OR9Q1: variants seen among roughly 807,000 people sequenced by gnomAD.
The protein encoded by OR9Q1 is olfactory receptor family 9 subfamily Q member 1, also known as olfactory receptor 9Q1.
For missense variants in OR9Q1, 374 were observed against 378.8 expected (o/e 0.99, Z 0.11); for synonymous variants, 153 against 148.6 (o/e 1.03, Z -0.22).
intron 2 of OR9Q1, among the ~76,000 whole-genome samples, chr11:58,175,240 A>G (rs945074613): frequency 3.3e-5 from 5 of 152,160 alleles, no homozygotes; most frequent in African/African-American, 1.2e-4. Flanking sequence ...AATACAAACA[A>G]AAGATTTTCT....
At chr11:58,029,734 A>G (rs948990097) in intron 1 of OR9Q1, among the ~76,000 whole-genome samples, 1 of 151,986 alleles carries the variant, frequency 6.6e-6, no homozygotes, top group African/African-American at 2.4e-5. Context: ...TGTTGATTCT[A>G]TCTCTTAATA....
Position 58,048,696 on chromosome 11 carries a change from T to TATATATATA in OR9Q1, c.-92-7174_-92-7173insATATATATA, listed in dbSNP as rs35079058. Among the ~76,000 whole-genome samples the TATATATATA allele has an allele frequency of 2.6e-3, 327 of 127,458 alleles. 1 individual carries two copies. The highest frequency in any genetic ancestry group is 8.3e-3 in the Middle Eastern group (2 of 242). The allele number at this position is 127,458 out of a possible 152,430, so 83.6% of individuals were successfully genotyped here. A position where few individuals can be genotyped will look rare whatever the true frequency, so the allele number is the denominator to read the frequency against. Reference sequence around the variant, plus strand: ...AAAAAAAAAATATATATATATATATTTTTTAGCAAGACTAATAAAAAAAGA... The same window carrying TATATATATA: ...AAAAAAAAAATATATATATATATATTATATATATATTTTAGCAAGACTAATAAAAAAAGA... On this transcript the variant is annotated intron_variant, in intron 1 of 2. Transcript: ENST00000335397.
intron 2 of OR9Q1, among the ~76,000 whole-genome samples, chr11:58,158,349 T>G (rs1854426877): frequency 6.6e-6 from 1 of 152,050 alleles, no homozygotes; most frequent in African/African-American, 2.4e-5. Flanking sequence ...AGCCACACTC[T>G]TGGGCAGATT....
At chr11:58,143,074 A>G (rs188519919) in intron 2 of OR9Q1, among the ~76,000 whole-genome samples, 14 of 152,250 alleles carry the variant, frequency 9.2e-5, no homozygotes, top group Non-Finnish European at 1.0e-4. Context: ...AAACAACCCT[A>G]AAGAAAGGTG....
At chr11:58,121,000 C>G (rs1429417865) in intron 2 of OR9Q1, among the ~76,000 whole-genome samples, 1 of 151,826 alleles carries the variant, frequency 6.6e-6, no homozygotes, top group African/African-American at 2.4e-5. Flanking sequence ...TATATTTTGA[C>G]TACGGGTTGA....
At chr11:58,046,834 G>T (rs537282137) in intron 1 of OR9Q1, among the ~76,000 whole-genome samples, 1 of 151,850 alleles carries the variant, frequency 6.6e-6, no homozygotes, top group Non-Finnish European at 1.5e-5. Flanking sequence ...TTGCATTCCA[G>T]CCTGGGCAAC....
chr11:58,156,586 T>C (rs1300221225), intron 2 of OR9Q1, among the ~76,000 whole-genome samples: 1 of 152,216 alleles, frequency 6.6e-6, no homozygotes, highest in Non-Finnish European at 1.5e-5. Context: ...ACTGTAATTG[T>C]ATAGGTATTT....
At chr11:58,160,218 C>T (rs892227268) in intron 2 of OR9Q1, among the ~76,000 whole-genome samples, 4 of 152,322 alleles carry the variant, frequency 2.6e-5, no homozygotes, top group Non-Finnish European at 5.9e-5. Flanking sequence ...ATTCAACTTT[C>T]AATCCTTGGA....
At chr11:58,059,913 A>G (rs1334815934) in intron 2 of OR9Q1, 2 of 152,138 alleles carry the variant, frequency 1.3e-5, no homozygotes, top group Non-Finnish European at 2.9e-5. Flanking sequence ...AGCGTGCTGT[A>G]TTCTCTACTT....
At chr11:58,090,910 A>G (rs1442992514) in intron 2 of OR9Q1, among the ~76,000 whole-genome samples, 4 of 151,892 alleles carry the variant, frequency 2.6e-5, no homozygotes, top group African/African-American at 9.7e-5. Context: ...TTTCTTCTAG[A>G]TTTTCTAGTT....
chr11:58,058,344 G>A (rs1359212653), intron 2 of OR9Q1, among the ~76,000 whole-genome samples: 2 of 152,172 alleles, frequency 1.3e-5, no homozygotes, highest in Non-Finnish European at 2.9e-5. Context: ...CCCTTCTCTG[G>A]CACTTTGGAT....
intron 1 of OR9Q1, among the ~76,000 whole-genome samples, chr11:58,034,156 G>C (rs942705716): frequency 1.1e-4 from 16 of 145,140 alleles, no homozygotes; most frequent in African/African-American, 4.1e-4. Flanking sequence ...CGTGATCTCG[G>C]CTCACTGCAA....
chr11:58,174,167 G>T (rs976622584), intron 2 of OR9Q1, among the ~76,000 whole-genome samples: 3 of 152,114 alleles, frequency 2.0e-5, no homozygotes, highest in Admixed American at 1.3e-4. Context: ...GGCTTGCTTT[G>T]TCTTGTGGGA....
At chr11:58,085,680 G>A (rs560275532) in intron 2 of OR9Q1, among the ~76,000 whole-genome samples, 14 of 151,706 alleles carry the variant, frequency 9.2e-5, no homozygotes, top group Middle Eastern at 3.4e-3. Context: ...AAAAAATTAT[G>A]TGCACTCTCC....
intron 2 of OR9Q1, among the ~76,000 whole-genome samples, chr11:58,068,903 G>C (rs143246538): frequency 6.6e-6 from 1 of 152,056 alleles, no homozygotes; most frequent in Non-Finnish European, 1.5e-5. Context: ...CTGGAGATTC[G>C]CATCCATGAA....
intron 2 of OR9Q1, among the ~76,000 whole-genome samples, chr11:58,150,169 A>G (rs747365280): frequency 7.2e-5 from 11 of 152,284 alleles, no homozygotes; most frequent in Non-Finnish European, 1.2e-4. Flanking sequence ...TGGGTATGAA[A>G]TGGTATTTCA....
rs71061582 is a variant in OR9Q1, at chr11:58,179,012, A to AAGAGAGAG, written c.-14-401_-14-394dup. On this transcript the variant is annotated intron_variant, in intron 2 of 2. Coordinates refer to ENST00000335397, the MANE Select transcript of OR9Q1 (RefSeq NM_001005212.4). ...ATAGAGAGAGAGAGAGAAAGAAAGAAAGAGAGAGAGAGAGAGAGAGAGAGA... is the reference window on the plus strand; with the variant it reads ...ATAGAGAGAGAGAGAGAAAGAAAGAAAGAGAGAGAGAGAGAGAGAGAGAGAGAGAGAGA... Among the ~76,000 whole-genome samples the AAGAGAGAG allele has an allele frequency of 1.4e-3, 179 of 132,464 alleles. 2 individuals carry two copies. The South Asian group carries it at 0.017, about 12-fold the overall frequency. 86.9% of individuals were successfully genotyped at this position (132,464 alleles called of 152,430 possible).
chr11:58,047,804 A>T (rs1160097278), intron 1 of OR9Q1, among the ~76,000 whole-genome samples: 5 of 152,000 alleles, frequency 3.3e-5, no homozygotes, highest in Non-Finnish European at 7.4e-5. Context: ...GAATCGCTTG[A>T]ACTCAGAAGG....
chr11:58,038,969 C>T (rs1339280491), intron 1 of OR9Q1, among the ~76,000 whole-genome samples: 1 of 151,936 alleles, frequency 6.6e-6, no homozygotes, highest in Non-Finnish European at 1.5e-5. Context: ...ATTGAATCTT[C>T]TTCTTTATTT....
Sources: allele counts gnomAD v4.1 joint callset (sites outside exome capture counted in the v4.1 genomes callset), GRCh38; gene constraint gnomAD v4.1.1; transcripts MANE v1.5; gene names NCBI Gene and HGNC (gene_info 2026-07-23, HGNC 2026-07-21).